Variants in ERBB4 observed in about 807,000 individuals in gnomAD.
ERBB4 encodes the protein erb-b2 receptor tyrosine kinase 4, also known as receptor tyrosine-protein kinase erbB-4.
ERBB4 carries 42 observed loss-of-function variants against 158.0 expected under a neutral mutation model. The ratio of observed to expected loss-of-function variants is 0.27; its 90% CI spans 0.21 to 0.34. The LOEUF is 0.34. ERBB4 is among the 10% of genes least tolerant of loss of function. The probability of loss-of-function intolerance (pLI) is 1.00; values close to 1 mark genes in which losing one functional copy is unlikely to be tolerated. For synonymous variants in ERBB4, 583 were observed against 558.7 expected (o/e 1.04, Z -0.61); for missense variants, 1,333 against 1,624.1 (o/e 0.82, Z 3.08).
At chr2:212,288,799 T>C (rs2086098886) in intron 1 of ERBB4, among the ~76,000 whole-genome samples, 1 of 151,894 alleles carries the variant, frequency 6.6e-6, no homozygotes, top group Admixed American at 6.6e-5. Flanking sequence ...GCCCTGGGAA[T>C]GATACTCCTA....
At chr2:212,496,030 A>T (rs1690548044) in intron 1 of ERBB4, among the ~76,000 whole-genome samples, 1 of 152,158 alleles carries the variant, frequency 6.6e-6, no homozygotes, top group Non-Finnish European at 1.5e-5. Context: ...ATTTTCAAAG[A>T]TTCTCTTAGA....
chr2:212,426,307 T>C, intron 1 of ERBB4: 1 of 469,258 alleles, frequency 2.1e-6, no homozygotes, highest in Non-Finnish European at 4.2e-6. Flanking sequence ...GTTTTTGCCA[T>C]TAAAAGTAAT....
intron 1 of ERBB4, among the ~76,000 whole-genome samples, chr2:212,269,067 C>T (rs1432156771): frequency 6.6e-6 from 1 of 151,186 alleles, no homozygotes; most frequent in Non-Finnish European, 1.5e-5. Flanking sequence ...ATATAATGCA[C>T]ATGATGTGCA....
intron 2 of ERBB4, among the ~76,000 whole-genome samples, chr2:212,063,472 A>G (rs1444645139): frequency 6.6e-6 from 1 of 152,122 alleles, no homozygotes; most frequent in Non-Finnish European, 1.5e-5. Context: ...CTACTTCACT[A>G]AAGGCAAATA....
At chr2:211,945,661 T>C (rs980035303) in intron 3 of ERBB4, among the ~76,000 whole-genome samples, 3 of 152,090 alleles carry the variant, frequency 2.0e-5, no homozygotes, top group African/African-American at 4.8e-5. Context: ...TCTTAAGTAA[T>C]ACAAGTTATG....
At chr2:212,345,869 C>A (rs1415429456) in intron 1 of ERBB4, among the ~76,000 whole-genome samples, 1 of 152,062 alleles carries the variant, frequency 6.6e-6, no homozygotes, top group East Asian at 1.9e-4. Context: ...TTGTCCAGTT[C>A]TGAGACCAAT....
At chr2:211,514,596 A>G (rs1465413670) in intron 20 of ERBB4, among the ~76,000 whole-genome samples, 1 of 152,112 alleles carries the variant, frequency 6.6e-6, no homozygotes. Context: ...TACACATCTC[A>G]TATGTCCTAG....
At chr2:212,514,730 G>A (rs1391635716) in intron 1 of ERBB4, among the ~76,000 whole-genome samples, 4 of 152,096 alleles carry the variant, frequency 2.6e-5, no homozygotes, top group Non-Finnish European at 5.9e-5. Flanking sequence ...TTCTGAACCC[G>A]GGAGGCAGAG....
At chr2:212,232,354 A>G (rs986414667) in intron 1 of ERBB4, among the ~76,000 whole-genome samples, 3 of 152,210 alleles carry the variant, frequency 2.0e-5, no homozygotes, top group Non-Finnish European at 4.4e-5. Flanking sequence ...AAAACAATAA[A>G]TCTACTTAAG....
chr2:211,850,095 C>T (rs376129246), intron 3 of ERBB4, among the ~76,000 whole-genome samples: 1 of 152,074 alleles, frequency 6.6e-6, no homozygotes, highest in African/African-American at 2.4e-5. Flanking sequence ...TTGCATAGAA[C>T]CATATATTTA....
intron 19 of ERBB4, among the ~76,000 whole-genome samples, chr2:211,563,375 T>C (rs766381481): frequency 5.9e-5 from 9 of 152,206 alleles, no homozygotes; most frequent in Non-Finnish European, 1.2e-4. Flanking sequence ...TTGTCAATAA[T>C]ATCTGAATCT....
intron 1 of ERBB4, among the ~76,000 whole-genome samples, chr2:212,215,470 T>A (rs187217217): frequency 6.6e-6 from 1 of 151,412 alleles, no homozygotes; most frequent in Non-Finnish European, 1.5e-5. Flanking sequence ...ATGCATTGTA[T>A]AAAATGAGTT....
At chr2:212,233,897 A>T (rs1190930175) in intron 1 of ERBB4, among the ~76,000 whole-genome samples, 1 of 151,656 alleles carries the variant, frequency 6.6e-6, no homozygotes, top group Non-Finnish European at 1.5e-5. Context: ...ATTAAAAGTT[A>T]TCCAGAGTTC....
At position 212,419,104 on chromosome 2, in the gene ERBB4, AT is replaced by A. The variant is rs34453056; in HGVS notation, c.82+119344del. On this transcript the variant is annotated intron_variant, in intron 1 of 27. Coordinates refer to ENST00000342788, the MANE Select transcript of ERBB4 (RefSeq NM_005235.3). The stretch of plus-strand genomic sequence containing the variant: ...ACTATGTATACAGTACTCTTCCTTC[AT>A]TTTTTTTTTTTAACATTTCAGTTAA... Among the ~76,000 whole-genome samples the A allele has an allele frequency of 6.6e-3, 957 of 145,828 alleles. 3 individuals carry two copies. The highest frequency in any genetic ancestry group is 7.1e-3 in the Middle Eastern group (2 of 282).
intron 1 of ERBB4, among the ~76,000 whole-genome samples, chr2:212,476,781 T>A (rs1173644975): frequency 6.6e-6 from 1 of 152,134 alleles, no homozygotes; most frequent in Non-Finnish European, 1.5e-5. Context: ...TTTTCCTATA[T>A]CAAACTGGGC....
intron 2 of ERBB4, among the ~76,000 whole-genome samples, chr2:212,047,005 C>T (rs1157695538): frequency 6.6e-6 from 1 of 152,054 alleles, no homozygotes; most frequent in African/African-American, 2.4e-5. Context: ...GAGCTGAGTG[C>T]AAAAATAATT....
intron 1 of ERBB4, among the ~76,000 whole-genome samples, chr2:212,234,152 G>A (rs2083766644): frequency 6.6e-6 from 1 of 151,870 alleles, no homozygotes; most frequent in Non-Finnish European, 1.5e-5. Flanking sequence ...CCTCTGACAG[G>A]CCCTGTTGTG....
chr2:212,427,017 A>AATG (rs1384896515), intron 1 of ERBB4, among the ~76,000 whole-genome samples: 1 of 152,194 alleles, frequency 6.6e-6, no homozygotes, highest in Non-Finnish European at 1.5e-5. Flanking sequence ...ACTTAATAGT[A>AATG]TCTTCTTGTC....
intron 4 of ERBB4, among the ~76,000 whole-genome samples, chr2:211,754,964 G>A (rs2075254525): frequency 6.6e-6 from 1 of 152,100 alleles, no homozygotes; most frequent in Non-Finnish European, 1.5e-5. Flanking sequence ...GCCTCCCAAA[G>A]TGCTGGGATT....
Sources: gnomAD v4.1 joint callset for allele counts (sites outside exome capture counted in the v4.1 genomes callset) on GRCh38, gnomAD v4.1.1 for gene constraint, MANE v1.5 for transcripts, NCBI Gene and HGNC (gene_info 2026-07-23, HGNC 2026-07-21) for gene names.